GABRA2: variants seen among roughly 807,000 people sequenced by gnomAD.
GABRA2 encodes the protein gamma-aminobutyric acid type A receptor subunit alpha2.
In GABRA2, 16 loss-of-function variants were observed where a neutral mutation model predicts 48.7. The observed-to-expected ratio is 0.33, with a 90% CI of 0.22 to 0.50. The LOEUF is 0.50. Ranked by LOEUF, GABRA2 falls within the 20% of genes least tolerant of loss-of-function variation. The pLI is 0.98. For synonymous variants in GABRA2, 185 were observed against 184.5 expected (o/e 1.00, Z -0.02); for missense variants, 275 against 535.6 (o/e 0.51, Z 4.80).
intron 1 of GABRA2, 115 bp downstream of exon 1, chr4:46,389,620 G>T: frequency 1.7e-6 from 1 of 579,624 alleles, no homozygotes; most frequent in Non-Finnish European, 2.2e-6. Context: ...CGGGAATTGA[G>T]CCTCCTCCGT....
At chr4:46,375,909 C>T (rs1168927170) in intron 3 of GABRA2, among the ~76,000 whole-genome samples, 1 of 152,202 alleles carries the variant, frequency 6.6e-6, no homozygotes, top group Non-Finnish European at 1.5e-5. Context: ...GCTATACTTA[C>T]AGCTACAAAA....
intron 3 of GABRA2, among the ~76,000 whole-genome samples, chr4:46,336,542 A>T (rs1401312310): frequency 6.6e-6 from 1 of 152,206 alleles, no homozygotes; most frequent in Non-Finnish European, 1.5e-5. Flanking sequence ...ACATGAGAAT[A>T]CCAAGAGTAA....
intron 3 of GABRA2, among the ~76,000 whole-genome samples, chr4:46,362,474 C>T (rs140281768): frequency 2.0e-5 from 3 of 151,996 alleles, no homozygotes; most frequent in East Asian, 1.9e-4. Context: ...TTATCAGCAG[C>T]GTGAAAACAG....
intron 3 of GABRA2, chr4:46,369,053 T>C (rs1229368328): frequency 7.2e-6 from 5 of 692,800 alleles, no homozygotes; most frequent in African/African-American, 3.5e-5. Flanking sequence ...AATAATTACA[T>C]AATCAAATCT....
intron 9 of GABRA2, among the ~76,000 whole-genome samples, chr4:46,259,992 T>C (rs1560439789): frequency 6.6e-6 from 1 of 151,888 alleles, no homozygotes; most frequent in Admixed American, 6.6e-5. Context: ...ATCTGAATCA[T>C]GAAATTGGAT....
At chr4:46,302,419 A>G (rs2109619143) in intron 8 of GABRA2, 1 of 152,316 alleles carries the variant, frequency 6.6e-6, no homozygotes, top group East Asian at 1.9e-4. Flanking sequence ...CAAAATAAAC[A>G]TATAAAGTCT....
intron 8 of GABRA2, among the ~76,000 whole-genome samples, chr4:46,285,327 C>G (rs1421754882): frequency 6.6e-6 from 1 of 151,928 alleles, no homozygotes; most frequent in African/African-American, 2.4e-5. Flanking sequence ...TTCAAATAGT[C>G]TGGATTTTTT....
intron 3 of GABRA2, among the ~76,000 whole-genome samples, chr4:46,347,546 A>G (rs1465512820): frequency 6.6e-6 from 1 of 151,988 alleles, no homozygotes; most frequent in East Asian, 1.9e-4. Flanking sequence ...CCACATGCAG[A>G]AGAATGAAAT....
chr4:46,316,881 T>C (rs1174419204), intron 4 of GABRA2, among the ~76,000 whole-genome samples: 1 of 151,884 alleles, frequency 6.6e-6, no homozygotes, highest in African/African-American at 2.4e-5. Flanking sequence ...ATGGCAGAAG[T>C]ACAAAAGAAC....
intron 8 of GABRA2, among the ~76,000 whole-genome samples, chr4:46,294,240 C>G (rs923537531): frequency 3.9e-5 from 6 of 152,208 alleles, no homozygotes; most frequent in African/African-American, 1.2e-4. Context: ...AACCAGCAAC[C>G]AAGAAGTAGC....
intron 9 of GABRA2, among the ~76,000 whole-genome samples, chr4:46,252,916 G>A (rs1042737550): frequency 1.1e-4 from 16 of 151,330 alleles, no homozygotes; most frequent in Non-Finnish European, 1.8e-4. Context: ...ACAAATGGAC[G>A]AATATCTTAT....
intron 8 of GABRA2, among the ~76,000 whole-genome samples, chr4:46,279,429 A>G (rs1033434825): frequency 6.6e-6 from 1 of 152,160 alleles, no homozygotes; most frequent in Non-Finnish European, 1.5e-5. Flanking sequence ...TCACACCTAT[A>G]TAAAATTTTT....
intron 3 of GABRA2, among the ~76,000 whole-genome samples, chr4:46,377,924 G>A (rs542180066): frequency 3.3e-5 from 5 of 149,948 alleles, no homozygotes; most frequent in South Asian, 2.1e-4. Context: ...CTGCCCGGCC[G>A]CCCCTACTGG....
chr4:46,289,913 A>AT (rs147975517), intron 8 of GABRA2, among the ~76,000 whole-genome samples: 2,098 of 111,804 alleles, frequency 0.019, 20 homozygotes, highest in South Asian at 0.034. Flanking sequence ...ATTTATTTTT[A>AT]TTTTTTTTTT....
intron 6 of GABRA2, among the ~76,000 whole-genome samples, chr4:46,309,617 G>C (rs1349629450): frequency 6.6e-6 from 1 of 151,892 alleles, no homozygotes; most frequent in African/African-American, 2.4e-5. Context: ...CTAAAGAAGA[G>C]CCAACTGCAC....
At chr4:46,354,457 T>C (rs1367660592) in intron 3 of GABRA2, among the ~76,000 whole-genome samples, 2 of 152,152 alleles carry the variant, frequency 1.3e-5, no homozygotes, top group Non-Finnish European at 2.9e-5. Context: ...CACTGGCTCA[T>C]AATATCTATA....
At chr4:46,272,565 C>T (rs1467316660) in intron 8 of GABRA2, among the ~76,000 whole-genome samples, 1 of 151,932 alleles carries the variant, frequency 6.6e-6, no homozygotes, top group Non-Finnish European at 1.5e-5. Flanking sequence ...AACCTCACAA[C>T]TGGACAAGGT....
At chr4:46,303,401 T>C (rs1490344778) in intron 8 of GABRA2, 59 bp downstream of exon 8, 1 of 1,482,680 alleles carries the variant, frequency 6.7e-7, no homozygotes, top group Admixed American at 1.7e-5. Flanking sequence ...AGAGATAATG[T>C]TTTTGAAAGT....
chr4:46,268,713 C>G (rs532933835), intron 8 of GABRA2, among the ~76,000 whole-genome samples: 1 of 151,858 alleles, frequency 6.6e-6, no homozygotes, highest in South Asian at 2.1e-4. Flanking sequence ...CTTGAGATCA[C>G]TATAGTGAAG....
Sources: allele counts gnomAD v4.1 joint callset (sites outside exome capture counted in the v4.1 genomes callset), GRCh38; gene constraint gnomAD v4.1.1; transcripts MANE v1.5; gene names NCBI Gene and HGNC (gene_info 2026-07-23, HGNC 2026-07-21).